FRAS1: variants seen among roughly 807,000 people sequenced by gnomAD.
FRAS1 encodes extracellular matrix organizing protein FRAS1.
In FRAS1, 290 loss-of-function variants were observed where a neutral mutation model predicts 435.2. The ratio of observed to expected loss-of-function variants is 0.67; its 90% CI spans 0.61 to 0.73. FRAS1 has a LOEUF of 0.73. FRAS1 is among the 30% of genes least tolerant of loss of function. FRAS1 has a pLI of 0.00. For synonymous variants in FRAS1, 1,800 were observed against 1,851.0 expected (o/e 0.97, Z 0.71); for missense variants, 4,860 against 5,001.5 (o/e 0.97, Z 0.85).
intron 29 of FRAS1, among the ~76,000 whole-genome samples, chr4:78,388,919 C>G (rs1416867201): frequency 6.6e-6 from 1 of 152,174 alleles, no homozygotes; most frequent in Non-Finnish European, 1.5e-5. Context: ...TAATATTTTT[C>G]TTTGTATCAA....
chr4:78,396,773 G>C (rs979093299), intron 29 of FRAS1, among the ~76,000 whole-genome samples: 1 of 152,068 alleles, frequency 6.6e-6, no homozygotes, highest in Admixed American at 6.5e-5. Context: ...TGAGTTCGTG[G>C]ATTCATTCTT....
intron 2 of FRAS1, among the ~76,000 whole-genome samples, chr4:78,082,170 C>A (rs1434396166): frequency 1.3e-5 from 2 of 152,096 alleles, no homozygotes; most frequent in Admixed American, 6.6e-5. Flanking sequence ...AATCTGAATA[C>A]TATAGCAATT....
intron 63 of FRAS1, among the ~76,000 whole-genome samples, chr4:78,509,382 G>A (rs1301684501): frequency 6.6e-6 from 1 of 152,170 alleles, no homozygotes; most frequent in Non-Finnish European, 1.5e-5. Context: ...CTCCAGATAG[G>A]CGCTGTTGAT....
intron 27 of FRAS1, among the ~76,000 whole-genome samples, chr4:78,381,555 G>A (rs1392692779): frequency 1.3e-5 from 2 of 152,198 alleles, no homozygotes; most frequent in East Asian, 1.9e-4. Context: ...CTCCCAAAGT[G>A]CTGCAATTAC....
chr4:78,162,320 A>T (rs893023316), intron 2 of FRAS1, among the ~76,000 whole-genome samples: 1 of 152,172 alleles, frequency 6.6e-6, no homozygotes, highest in African/African-American at 2.4e-5. Flanking sequence ...ATAGGAATTT[A>T]TGATTATGTG....
chr4:78,277,270 G>A (rs1727094168), intron 9 of FRAS1, among the ~76,000 whole-genome samples: 1 of 152,164 alleles, frequency 6.6e-6, no homozygotes, highest in Non-Finnish European at 1.5e-5. Context: ...TCCCTGGTGA[G>A]GCAATGCCTT....
intron 35 of FRAS1, among the ~76,000 whole-genome samples, chr4:78,425,638 T>C (rs1224404380): frequency 6.6e-6 from 1 of 152,220 alleles, no homozygotes; most frequent in Non-Finnish European, 1.5e-5. Context: ...CAGTGTTGTG[T>C]TACTGTTGAT....
intron 32 of FRAS1, among the ~76,000 whole-genome samples, chr4:78,413,920 C>G (rs1301121289): frequency 6.6e-6 from 1 of 152,134 alleles, no homozygotes; most frequent in African/African-American, 2.4e-5. Flanking sequence ...ATGCCAAAAC[C>G]CCTCTTCCAG....
intron 2 of FRAS1, among the ~76,000 whole-genome samples, chr4:78,086,780 A>G (rs529460407): frequency 2.4e-4 from 37 of 152,174 alleles, no homozygotes; most frequent in Non-Finnish European, 4.0e-4. Context: ...GGCAATAATT[A>G]ATAGCTTACC....
rs372359356 is a variant in FRAS1 at position 78,337,784 on chromosome 4, G to A, written c.2389G>A (p.Glu797Lys). ...NGNCRTSCRE[E>K]QFLNLVGYCA... The stretch of plus-strand genomic sequence containing the variant: ...TAACTGCAGGACCAGCTGCAGGGAA[G>A]AGCAGTTCCTCAACCTCGTGGGATA... Residue 797 changes from glutamate (E) to lysine (K), a missense_variant, in exon 20 of 74, where the codon GAG becomes AAG. Glu to Lys is a moderately conservative substitution (Grantham distance 56). Transcript: ENST00000512123. 2.2e-5 allele frequency: 36 copies of A among 1,613,812 alleles called. No individual in the cohort carries two copies. Among genetic ancestry groups the A allele is most frequent in the Non-Finnish European group, 2.9e-5 (34 of 1,179,868 alleles).
At chr4:78,448,022 T>C (rs576143612) in intron 43 of FRAS1, 31 bp from the exon 44 acceptor site, 5 of 1,541,260 alleles carry the variant, frequency 3.2e-6, no homozygotes, top group Non-Finnish European at 4.4e-6. Flanking sequence ...TATTCTACCA[T>C]TGTTTTGCTT....
intron 2 of FRAS1, among the ~76,000 whole-genome samples, chr4:78,192,808 C>T (rs1722609032): frequency 6.6e-6 from 1 of 152,172 alleles, no homozygotes; most frequent in Non-Finnish European, 1.5e-5. Context: ...TTCTTGCCTT[C>T]TAATAGCTTT....
chr4:78,191,783 C>T (rs1414494181), intron 2 of FRAS1, among the ~76,000 whole-genome samples: 1 of 151,762 alleles, frequency 6.6e-6, no homozygotes, highest in Non-Finnish European at 1.5e-5. Context: ...TGAGTGAGAA[C>T]ATGCGGTATT....
rs17003166 is a variant in FRAS1, at chr4:78,369,976, C to T, written c.2861C>T (p.Thr954Met). 731 of 1,613,148 alleles carry T rather than the reference C, an allele frequency of 4.5e-4. 4 individuals are homozygous for T. The African/African-American group carries it at 8.2e-3, about 18-fold the overall frequency. The change falls in exon 23 of 74, where the codon ACG becomes ATG. Residue 954 changes from threonine (T) to methionine (M), a missense_variant. By Grantham distance (81) the Thr-to-Met change is moderately conservative (BLOSUM62 -1). Coordinates refer to ENST00000512123, the MANE Select transcript of FRAS1 (RefSeq NM_025074.7). ...PQYYLDFSTN[T>M]CKECDWSCSA... Reference sequence around the variant, plus strand: ...TACTATCTTGACTTCTCCACCAACACGTGCAAAGGTAAAGCTCTTCCTGAA... The same window carrying T: ...TACTATCTTGACTTCTCCACCAACATGTGCAAAGGTAAAGCTCTTCCTGAA...
intron 2 of FRAS1, among the ~76,000 whole-genome samples, chr4:78,172,733 A>G (rs969512951): frequency 6.6e-6 from 1 of 151,982 alleles, no homozygotes; most frequent in Non-Finnish European, 1.5e-5. Flanking sequence ...TACTAAGCTT[A>G]TCTAATTTTT....
chr4:78,295,261 T>TA (rs1728093770), intron 14 of FRAS1, among the ~76,000 whole-genome samples: 1 of 152,228 alleles, frequency 6.6e-6, no homozygotes, highest in South Asian at 2.1e-4. Context: ...TTTAGACATG[T>TA]GACTACCGGG....
At chr4:78,114,826 T>C (rs1444793352) in intron 2 of FRAS1, among the ~76,000 whole-genome samples, 1 of 152,236 alleles carries the variant, frequency 6.6e-6, no homozygotes, top group Non-Finnish European at 1.5e-5. Context: ...CTTATTTCCT[T>C]CTCCTGCCTG....
intron 2 of FRAS1, among the ~76,000 whole-genome samples, chr4:78,124,857 C>T (rs923373024): frequency 1.3e-5 from 2 of 151,822 alleles, no homozygotes; most frequent in African/African-American, 4.8e-5. Context: ...TTTTTTATAT[C>T]ATCTATTTGA....
At chr4:78,253,123 C>A (rs1274741039) in intron 5 of FRAS1, among the ~76,000 whole-genome samples, 1 of 152,156 alleles carries the variant, frequency 6.6e-6, no homozygotes, top group Admixed American at 6.5e-5. Flanking sequence ...CCCAGGAATG[C>A]ATTCCTTCCT....
Sources: allele counts gnomAD v4.1 joint callset (sites outside exome capture counted in the v4.1 genomes callset), GRCh38; gene constraint gnomAD v4.1.1; transcripts MANE v1.5; gene names NCBI Gene and HGNC (gene_info 2026-07-23, HGNC 2026-07-21).